Variants in SDCCAG8 observed in about 807,000 individuals in gnomAD.
SDCCAG8 encodes SHH signaling and ciliogenesis regulator SDCCAG8, also known as serologically defined colon cancer antigen 8.
A neutral mutation model predicts 101.8 loss-of-function variants in SDCCAG8; 74 were observed. The observed-to-expected ratio is 0.73, with a 90% CI of 0.60 to 0.88. SDCCAG8 has a LOEUF of 0.88. Ranked by LOEUF, SDCCAG8 falls within the 40% of genes least tolerant of loss-of-function variation. The pLI is 0.00. For missense variants in SDCCAG8, 787 were observed against 822.6 expected (o/e 0.96, Z 0.53); for synonymous variants, 281 against 292.9 (o/e 0.96, Z 0.41).
intron 17 of SDCCAG8, among the ~76,000 whole-genome samples, chr1:243,489,405 C>T (rs972451388): frequency 5.3e-5 from 8 of 152,190 alleles, no homozygotes; most frequent in Admixed American, 1.3e-4. Flanking sequence ...CCAAGTTGCG[C>T]CGTGCAGGCT....
chr1:243,317,403 CT>C (rs2073355617), intron 9 of SDCCAG8, among the ~76,000 whole-genome samples: 1 of 151,726 alleles, frequency 6.6e-6, no homozygotes, highest in Admixed American at 6.6e-5. Flanking sequence ...TCACAGCAAC[CT>C]CTTCCTCCTG....
chr1:243,409,916 A>G (rs1204404108), intron 13 of SDCCAG8, among the ~76,000 whole-genome samples: 1 of 152,218 alleles, frequency 6.6e-6, no homozygotes, highest in Non-Finnish European at 1.5e-5. Context: ...CTCGATGAAG[A>G]ATAGGATGTT....
At position 243,499,869 on chromosome 1, in the gene SDCCAG8, C is replaced by G; in HGVS notation, c.*84C>G. On this transcript the variant is annotated 3_prime_UTR_variant, in exon 18 of 18. Coordinates refer to ENST00000366541, the MANE Select transcript of SDCCAG8 (RefSeq NM_006642.5). ...TTAGACTTAATATGCCACAACGCAC[C>G]ACGACCTTCCCAGGGTGACACCGCC... 2 of 1,336,638 alleles carry G rather than the reference C, an allele frequency of 1.5e-6. No individual in the cohort carries two copies. The highest frequency in any genetic ancestry group is 2.1e-6 in the Non-Finnish European group (2 of 940,206). The allele number at this position is 1,336,638 out of a possible 1,614,324, so 82.8% of individuals were successfully genotyped here.
intron 5 of SDCCAG8, among the ~76,000 whole-genome samples, chr1:243,288,479 C>A (rs1031536768): frequency 2.0e-5 from 3 of 151,722 alleles, no homozygotes; most frequent in African/African-American, 7.3e-5. Context: ...AAAAACAAGA[C>A]AAACAAAAAA....
intron 16 of SDCCAG8, among the ~76,000 whole-genome samples, chr1:243,467,919 T>G (rs113687882): frequency 2.6e-5 from 4 of 152,284 alleles, no homozygotes; most frequent in Non-Finnish European, 5.9e-5. Context: ...CTCTGTAAAG[T>G]TTGGTAGCAT....
intron 16 of SDCCAG8, among the ~76,000 whole-genome samples, chr1:243,462,558 C>T (rs1659331556): frequency 6.6e-6 from 1 of 152,178 alleles, no homozygotes; most frequent in African/African-American, 2.4e-5. Flanking sequence ...CACTGTATCC[C>T]AACGCCCAGT....
chr1:243,484,062 G>A (rs1035385784), intron 16 of SDCCAG8, among the ~76,000 whole-genome samples: 2 of 152,142 alleles, frequency 1.3e-5, no homozygotes, highest in South Asian at 4.1e-4. Context: ...TTGCATAGCT[G>A]CCTGGTGGGT....
In SDCCAG8 at chr1:243,353,335, T is replaced by G. The variant is rs1255334484; in HGVS notation, c.1473+9004T>G. Among the ~76,000 whole-genome samples the G allele has an allele frequency of 2.7e-5, 4 of 149,606 alleles. No homozygotes were observed. In the East Asian group the frequency reaches 7.9e-4, roughly 30 times the overall value. On this transcript the variant is annotated intron_variant, in intron 12 of 17. Coordinates refer to ENST00000366541, the MANE Select transcript of SDCCAG8 (RefSeq NM_006642.5). ...GTAAAACCGTGCATCTACTAAAAAT[T>G]CAAAAATTAGCCGGGTGTGGTGGCG... is the stretch of plus-strand genomic sequence containing the variant.
At chr1:243,447,794 T>G (rs116767401) in intron 16 of SDCCAG8, among the ~76,000 whole-genome samples, 1,922 of 152,274 alleles carry the variant, frequency 0.013, 44 homozygotes, top group African/African-American at 0.043. Flanking sequence ...TCAAATAATA[T>G]AAATAAAAAT....
chr1:243,308,043 G>A lies in SDCCAG8; in HGVS notation c.795G>A (p.Lys265=). 6.2e-7 allele frequency: 1 copy of A among 1,614,096 alleles called. No homozygotes were observed. The highest frequency in any genetic ancestry group is 8.5e-7 in the Non-Finnish European group (1 of 1,180,002). The change falls in exon 8 of 18, where the codon AAG becomes AAA. Residue 265 remains lysine (K), a synonymous_variant. Transcript: ENST00000366541. ...RTCEDLKEQL[K]HKEFLLAANT... ...GTGAAGATCTTAAAGAGCAACTAAAGCATAAAGAATTTCTTCTGGCTGCTA... is the reference window on the plus strand; with the variant it reads ...GTGAAGATCTTAAAGAGCAACTAAAACATAAAGAATTTCTTCTGGCTGCTA...
intron 17 of SDCCAG8, among the ~76,000 whole-genome samples, chr1:243,490,228 T>C (rs1666057775): frequency 6.6e-6 from 1 of 152,218 alleles, no homozygotes; most frequent in African/African-American, 2.4e-5. Context: ...TCACAGACAG[T>C]AAATGAGCAC....
At chr1:243,498,431 T>A (rs893096678) in intron 17 of SDCCAG8, among the ~76,000 whole-genome samples, 1 of 152,092 alleles carries the variant, frequency 6.6e-6, no homozygotes, top group African/African-American at 2.4e-5. Flanking sequence ...GAGGGCTGTG[T>A]GCATGGGATG....
chr1:243,373,185 C>T (rs773668574), intron 12 of SDCCAG8, among the ~76,000 whole-genome samples: 21 of 151,934 alleles, frequency 1.4e-4, no homozygotes, highest in Non-Finnish European at 2.1e-4. Flanking sequence ...ATTTATTGTA[C>T]GATGTGGTGA....
At chr1:243,373,034 G>A (rs943762677) in intron 12 of SDCCAG8, among the ~76,000 whole-genome samples, 4 of 151,272 alleles carry the variant, frequency 2.6e-5, no homozygotes, top group African/African-American at 9.7e-5. Context: ...AAATGTCAGA[G>A]CACATCACAC....
At chr1:243,368,234 GAGAAA>G (rs1255003547) in intron 12 of SDCCAG8, among the ~76,000 whole-genome samples, 1 of 150,924 alleles carries the variant, frequency 6.6e-6, no homozygotes, top group Non-Finnish European at 1.5e-5. Flanking sequence ...AGAAGAAGAA[GAGAAA>G]AGAAAAGAAG....
chr1:243,317,384 G>A (rs2073353543), intron 9 of SDCCAG8, among the ~76,000 whole-genome samples: 1 of 148,254 alleles, frequency 6.7e-6, no homozygotes, highest in African/African-American at 2.5e-5. Context: ...GCAATGGCAC[G>A]ATTTCGGCTC....
At chr1:243,339,694 C>A (rs899736826) in intron 10 of SDCCAG8, among the ~76,000 whole-genome samples, 1 of 152,136 alleles carries the variant, frequency 6.6e-6, no homozygotes, top group Admixed American at 6.5e-5. Context: ...TTCTGTAGTT[C>A]GAAGGCAGAC....
intron 13 of SDCCAG8, among the ~76,000 whole-genome samples, chr1:243,394,858 T>C (rs2078941130): frequency 6.6e-6 from 1 of 151,990 alleles, no homozygotes; most frequent in Non-Finnish European, 1.5e-5. Context: ...TCTGTTTTTT[T>C]TTTTTCCCCT....
At chr1:243,453,849 C>T (rs572415803) in intron 16 of SDCCAG8, among the ~76,000 whole-genome samples, 16 of 152,290 alleles carry the variant, frequency 1.1e-4, no homozygotes, top group Non-Finnish European at 2.1e-4. Context: ...AATTTCAGCA[C>T]ATAAAATAAG....
Sources: allele counts gnomAD v4.1 joint callset (sites outside exome capture counted in the v4.1 genomes callset), GRCh38; gene constraint gnomAD v4.1.1; transcripts MANE v1.5; gene names NCBI Gene and HGNC (gene_info 2026-07-23, HGNC 2026-07-21).